LINGO2: variants seen among roughly 807,000 people sequenced by gnomAD.
LINGO2 encodes leucine-rich repeat and immunoglobulin-like domain-containing nogo receptor-interacting protein 2.
LINGO2 carries 14 observed loss-of-function variants against 30.6 expected under a neutral mutation model. That is an observed-to-expected ratio of 0.46 (90% confidence interval 0.30 to 0.72). The LOEUF is 0.72. Ranked by LOEUF, LINGO2 falls within the 30% of genes least tolerant of loss-of-function variation. The pLI, the probability that LINGO2 is intolerant of heterozygous loss-of-function variation, is 0.07. For synonymous variants in LINGO2, 317 were observed against 288.5 expected (o/e 1.10, Z -1.00); for missense variants, 729 against 751.7 (o/e 0.97, Z 0.35).
intron 4 of LINGO2, among the ~76,000 whole-genome samples, chr9:28,021,282 CTT>C (rs1393674820): frequency 1.3e-5 from 2 of 152,156 alleles, no homozygotes; most frequent in East Asian, 1.9e-4. Flanking sequence ...GTACAAGTGT[CTT>C]TTAATTTCTA....
rs184226588 is a variant in LINGO2 at position 28,126,321 on chromosome 9, G to A, written c.-86-113916C>T. 1.2e-4 allele frequency among the ~76,000 whole-genome samples: 18 copies of A among 152,064 alleles called. No individual in the cohort carries two copies. In the East Asian group the frequency reaches 3.5e-3, roughly 29 times the overall value. On this transcript the variant is annotated intron_variant, in intron 4 of 5. Coordinates refer to ENST00000379992, the Ensembl canonical transcript of LINGO2. ...CATTCCAGCTGCAAGGGTATTTTTC[G>A]AAGGTTCATTTAGAAGACTAGTCAA...
At chr9:27,998,411 G>C (rs1327259050) in intron 5 of LINGO2, among the ~76,000 whole-genome samples, 2 of 152,136 alleles carry the variant, frequency 1.3e-5, no homozygotes, top group Non-Finnish European at 2.9e-5. Flanking sequence ...AGCTGTTCCA[G>C]TTATGCCAGC....
At chr9:28,542,032 A>G (rs1821723328) in intron 1 of LINGO2, among the ~76,000 whole-genome samples, 1 of 152,176 alleles carries the variant, frequency 6.6e-6, no homozygotes, top group Admixed American at 6.6e-5. Flanking sequence ...TTTGGGGTAC[A>G]AAATGCTGAT....
the LINGO2 span, among the ~76,000 whole-genome samples, chr9:28,816,627 T>TA: frequency 7.2e-5 from 11 of 152,260 alleles, no homozygotes; most frequent in South Asian, 2.1e-3. Flanking sequence ...ATTTTATTCT[T>TA]AAAAAATCCT....
At chr9:28,859,335 TA>T in the LINGO2 span, among the ~76,000 whole-genome samples, 1 of 152,016 alleles carries the variant, frequency 6.6e-6, no homozygotes, top group African/African-American at 2.4e-5. Flanking sequence ...ACCACTTAAG[TA>T]TACCCACATG....
chr9:29,022,062 T>C, the LINGO2 span, among the ~76,000 whole-genome samples: 1 of 152,192 alleles, frequency 6.6e-6, no homozygotes, highest in African/African-American at 2.4e-5. Flanking sequence ...TGGGGTATTG[T>C]CCTACCTTCT....
At chr9:28,142,404 T>G (rs1161472811) in intron 4 of LINGO2, among the ~76,000 whole-genome samples, 2 of 152,184 alleles carry the variant, frequency 1.3e-5, no homozygotes, top group Admixed American at 1.3e-4. Flanking sequence ...TTGCAAGTTA[T>G]GTAGCAATGG....
intron 1 of LINGO2, among the ~76,000 whole-genome samples, chr9:28,542,805 T>C (rs12003711): frequency 0.061 from 9,246 of 152,060 alleles, 551 homozygotes; most frequent in African/African-American, 0.15. Flanking sequence ...GTTAGTATCC[T>C]GGTTATGCTG....
At chr9:28,987,326 T>G in the LINGO2 span, among the ~76,000 whole-genome samples, 3 of 152,018 alleles carry the variant, frequency 2.0e-5, no homozygotes, top group Admixed American at 2.0e-4. Context: ...TCTGATTTGT[T>G]GATTTACAAT....
At chr9:28,135,158 T>C (rs994611591) in intron 4 of LINGO2, among the ~76,000 whole-genome samples, 2 of 151,962 alleles carry the variant, frequency 1.3e-5, no homozygotes, top group Non-Finnish European at 2.9e-5. Context: ...AAGAAAAAAA[T>C]CACAATGAGC....
intron 4 of LINGO2, among the ~76,000 whole-genome samples, chr9:28,172,166 C>A (rs866419091): frequency 1.3e-5 from 2 of 150,958 alleles, no homozygotes; most frequent in Non-Finnish European, 3.0e-5. Context: ...CCGAGGCGGG[C>A]GGATCACGAG....
At chr9:28,983,318 C>CAAAAAAAA in the LINGO2 span, among the ~76,000 whole-genome samples, 2 of 130,980 alleles carry the variant, frequency 1.5e-5, no homozygotes, top group African/African-American at 5.7e-5. Flanking sequence ...ATGAGGTATC[C>CAAAAAAAA]AAAAAAAAAA....
At chr9:28,002,594 T>A (rs1176972910) in intron 5 of LINGO2, among the ~76,000 whole-genome samples, 1 of 152,220 alleles carries the variant, frequency 6.6e-6, no homozygotes, top group Non-Finnish European at 1.5e-5. Context: ...TTGCCCTCTG[T>A]AAGAATTTGT....
chr9:28,557,618 AC>A (rs1822796163), intron 1 of LINGO2, among the ~76,000 whole-genome samples: 1 of 151,780 alleles, frequency 6.6e-6, no homozygotes, highest in Non-Finnish European at 1.5e-5. Context: ...AACTAGAAAT[AC>A]CATTTGACCC....
intron 1 of LINGO2, among the ~76,000 whole-genome samples, chr9:28,634,596 G>C (rs57927271): frequency 0.1 from 15,022 of 148,052 alleles, 1,054 homozygotes; most frequent in Admixed American, 0.25. Flanking sequence ...AGCAATTCTC[G>C]TGCCTCAGCC....
At chr9:28,970,433 G>A in the LINGO2 span, among the ~76,000 whole-genome samples, 3 of 152,076 alleles carry the variant, frequency 2.0e-5, no homozygotes, top group Non-Finnish European at 4.4e-5. Context: ...AAAATCAGGT[G>A]AGCACTCACA....
rs151043162 is a variant in LINGO2 at position 28,100,445 on chromosome 9, G to C, written c.-86-88040C>G. ...GTAAAATGTAGTAAATGCTAACATG[G>C]AGATTTGAACAATGTTATGTGAAGT... On this transcript the variant is annotated intron_variant, in intron 4 of 5. Coordinates refer to ENST00000379992, the Ensembl canonical transcript of LINGO2. Among the ~76,000 whole-genome samples, 130 of 152,290 alleles carry C rather than the reference G, an allele frequency of 8.5e-4. 2 individuals are homozygous for C. Among genetic ancestry groups the C allele is most frequent in the African/African-American group, 3.0e-3 (124 of 41,570 alleles).
chr9:28,773,723 TG>T, the LINGO2 span, among the ~76,000 whole-genome samples: 19 of 152,276 alleles, frequency 1.2e-4, no homozygotes, highest in East Asian at 3.7e-3. Flanking sequence ...GGCAAATGCT[TG>T]AATCACCAAA....
chr9:28,556,437 A>G (rs1484543181), intron 1 of LINGO2, among the ~76,000 whole-genome samples: 1 of 152,088 alleles, frequency 6.6e-6, no homozygotes, highest in Admixed American at 6.5e-5. Flanking sequence ...TCCAACTTAC[A>G]AGGGATGTGA....
Sources: allele counts gnomAD v4.1 joint callset (sites outside exome capture counted in the v4.1 genomes callset), GRCh38; gene constraint gnomAD v4.1.1; transcripts MANE v1.5; gene names NCBI Gene and HGNC (gene_info 2026-07-23, HGNC 2026-07-21).